The following RGS7 variants were observed in gnomAD, a reference collection of about 807,000 sequenced individuals.
RGS7 encodes regulator of G-protein signaling 7.
RGS7 carries 27 observed loss-of-function variants against 81.1 expected under a neutral mutation model. The observed-to-expected ratio is 0.33, with a 90% CI of 0.25 to 0.46. The LOEUF (loss-of-function observed/expected upper bound fraction) is 0.46, where lower values mean the gene tolerates loss of function less well. Ranked by LOEUF, RGS7 falls within the 20% of genes least tolerant of loss-of-function variation. The pLI is 1.00. For synonymous variants in RGS7, 208 were observed against 207.7 expected (o/e 1.00, Z -0.01); for missense variants, 396 against 607.4 (o/e 0.65, Z 3.66).
chr1:240,896,855 A>G (rs923687681), intron 6 of RGS7, among the ~76,000 whole-genome samples: 1 of 152,220 alleles, frequency 6.6e-6, no homozygotes, highest in Non-Finnish European at 1.5e-5. Context: ...ATAGCATTGC[A>G]TCTATAAATT....
At chr1:241,205,657 C>T (rs145142098) in intron 2 of RGS7, among the ~76,000 whole-genome samples, 2,270 of 151,936 alleles carry the variant, frequency 0.015, 49 homozygotes, top group African/African-American at 0.052. Context: ...GACAGAGTTT[C>T]ACCATCTTGC....
intron 6 of RGS7, among the ~76,000 whole-genome samples, chr1:240,884,185 G>A (rs535985373): frequency 6.6e-6 from 1 of 151,252 alleles, no homozygotes; most frequent in African/African-American, 2.4e-5. Flanking sequence ...AAAAATTAAC[G>A]TGTTAGATAA....
chr1:240,926,235 G>C lies in RGS7; in HGVS notation c.385+4482C>G, dbSNP rs993661918. Among the ~76,000 whole-genome samples the C allele has an allele frequency of 2.0e-5, 3 of 152,062 alleles. No individual in the cohort carries two copies. The East Asian group carries it at 5.8e-4, about 29-fold the overall frequency. On this transcript the variant is annotated intron_variant, in intron 6 of 18. Coordinates refer to ENST00000440928, the MANE Select transcript of RGS7 (RefSeq NM_001364886.1). ...ATTTACCAAGGCCATTGTCCAGAAT[G>C]GTATATCCTAGGTTTTCTTCTAGGG...
chr1:240,920,222 C>T, intron 6 of RGS7: 1 of 1,169,772 alleles, frequency 8.5e-7, no homozygotes, highest in South Asian at 1.2e-5. Context: ...GTGCTTCATG[C>T]AGCCAAAGAG....
At chr1:241,317,344 G>A (rs12121748) in intron 2 of RGS7, among the ~76,000 whole-genome samples, 2,259 of 152,264 alleles carry the variant, frequency 0.015, 84 homozygotes, top group Admixed American at 0.094. Context: ...GTGAATTCCT[G>A]AGAATTTAGC....
intron 15 of RGS7, among the ~76,000 whole-genome samples, chr1:240,803,607 T>A (rs1398095783): frequency 6.6e-6 from 1 of 152,058 alleles, no homozygotes; most frequent in Non-Finnish European, 1.5e-5. Context: ...AAATAGTTGA[T>A]CATTTGCCCC....
chr1:240,833,833 T>C (rs1694249904), intron 9 of RGS7, among the ~76,000 whole-genome samples: 1 of 152,150 alleles, frequency 6.6e-6, no homozygotes, highest in Non-Finnish European at 1.5e-5. Flanking sequence ...CAGGCTGGAA[T>C]GCAGTGGTGC....
chr1:241,088,872 G>A (rs1200476769), intron 3 of RGS7, among the ~76,000 whole-genome samples: 20 of 150,966 alleles, frequency 1.3e-4, no homozygotes, highest in African/African-American at 3.2e-4. Context: ...TTAGCCGGGC[G>A]TGGTGGCAGG....
At chr1:241,130,002 A>T (rs2066961735) in intron 2 of RGS7, among the ~76,000 whole-genome samples, 1 of 152,214 alleles carries the variant, frequency 6.6e-6, no homozygotes, top group African/African-American at 2.4e-5. Flanking sequence ...AAATTTTGAT[A>T]TTCTACCATC....
At chr1:240,780,949 T>C (rs910278966) in intron 18 of RGS7, among the ~76,000 whole-genome samples, 12 of 151,214 alleles carry the variant, frequency 7.9e-5, no homozygotes, top group Non-Finnish European at 1.6e-4. Flanking sequence ...AATAGTTACA[T>C]TGAAATTGGA....
chr1:241,281,821 T>C (rs965676544), intron 2 of RGS7, among the ~76,000 whole-genome samples: 1 of 152,246 alleles, frequency 6.6e-6, no homozygotes, highest in Non-Finnish European at 1.5e-5. Context: ...ATGAATTGCA[T>C]TCAACTTACA....
chr1:240,899,923 C>G (rs1036331195), intron 6 of RGS7, among the ~76,000 whole-genome samples: 1 of 152,190 alleles, frequency 6.6e-6, no homozygotes, highest in Admixed American at 6.5e-5. Context: ...TCAGATACAC[C>G]AATCAGATGA....
chr1:240,811,040 T>C (rs1689759645), intron 14 of RGS7, among the ~76,000 whole-genome samples: 1 of 152,172 alleles, frequency 6.6e-6, no homozygotes, highest in Non-Finnish European at 1.5e-5. Context: ...TTCCTACCTG[T>C]TAAATCTCCT....
intron 2 of RGS7, among the ~76,000 whole-genome samples, chr1:241,165,023 C>T (rs1387969119): frequency 6.6e-6 from 1 of 152,164 alleles, no homozygotes; most frequent in African/African-American, 2.4e-5. Flanking sequence ...AGGGCTCACT[C>T]CTTCCCTATG....
At chr1:240,932,537 C>G (rs777481565) in intron 5 of RGS7, among the ~76,000 whole-genome samples, 1 of 59,784 alleles carries the variant, frequency 1.7e-5, no homozygotes, top group Admixed American at 2.2e-4. Context: ...GAGACAGGGT[C>G]TCACTCTGTT....
chr1:240,927,216 G>A (rs10926379), intron 6 of RGS7, among the ~76,000 whole-genome samples: 71 of 152,038 alleles, frequency 4.7e-4, no homozygotes, highest in African/African-American at 1.6e-3. Context: ...ACAGACGTGC[G>A]CCACCATGCC....
At position 240,933,023 on chromosome 1, in the gene RGS7, A is replaced by G. The variant is rs1197297123; in HGVS notation, c.334-2255T>C. ...CTCAGCCTCCCGAGTAGCTGGGACT[A>G]CAGGCGCCCGCACCACGCCCGGCTA... On this transcript the variant is annotated intron_variant, in intron 5 of 18. Transcript: ENST00000440928. Among the ~76,000 whole-genome samples, 9 of 148,494 alleles carry G rather than the reference A, an allele frequency of 6.1e-5. No individual in the cohort carries two copies. In the South Asian group the frequency reaches 8.6e-4, roughly 14 times the overall value.
intron 9 of RGS7, among the ~76,000 whole-genome samples, chr1:240,829,591 G>A (rs909889279): frequency 6.6e-6 from 1 of 152,096 alleles, no homozygotes; most frequent in African/African-American, 2.4e-5. Flanking sequence ...GAGCCATAAC[G>A]GAAGGGAAGG....
intron 18 of RGS7, among the ~76,000 whole-genome samples, chr1:240,778,849 C>T (rs532898553): frequency 6.6e-6 from 1 of 152,100 alleles, no homozygotes; most frequent in African/African-American, 2.4e-5. Flanking sequence ...AAGTTTAATG[C>T]TGGCATTTCC....
Sources: allele counts gnomAD v4.1 joint callset (sites outside exome capture counted in the v4.1 genomes callset), GRCh38; gene constraint gnomAD v4.1.1; transcripts MANE v1.5; gene names NCBI Gene and HGNC (gene_info 2026-07-23, HGNC 2026-07-21).